MMP16: variants seen among roughly 807,000 people sequenced by gnomAD.
MMP16 encodes matrix metallopeptidase 16.
MMP16 carries 12 observed loss-of-function variants against 67.8 expected under a neutral mutation model. The ratio of observed to expected loss-of-function variants is 0.18; its 90% CI spans 0.11 to 0.29. The LOEUF (loss-of-function observed/expected upper bound fraction) is 0.29. Among genes scored for constraint, MMP16 ranks in the 10% least tolerant of loss-of-function variants. The probability of loss-of-function intolerance (pLI) is 1.00; values close to 1 mark genes in which losing one functional copy is unlikely to be tolerated. For missense variants in MMP16, 475 were observed against 765.7 expected (o/e 0.62, Z 4.48); for synonymous variants, 249 against 255.9 (o/e 0.97, Z 0.26).
chr8:88,323,383 GT>G (rs1464623866), intron 1 of MMP16, among the ~76,000 whole-genome samples: 15 of 152,036 alleles, frequency 9.9e-5, no homozygotes, highest in African/African-American at 3.6e-4. Flanking sequence ...TCTTAAATCA[GT>G]TAAGTAAATA....
chr8:88,121,639 G>A (rs974931367), intron 4 of MMP16, among the ~76,000 whole-genome samples: 2 of 151,850 alleles, frequency 1.3e-5, no homozygotes, highest in Non-Finnish European at 2.9e-5. Context: ...CACCAAGCAG[G>A]CAACAAAGGA....
intron 6 of MMP16, among the ~76,000 whole-genome samples, chr8:88,094,317 T>C (rs895997885): frequency 2.0e-5 from 3 of 151,764 alleles, no homozygotes; most frequent in African/African-American, 7.2e-5. Context: ...ATATATAGAC[T>C]AACTTATAAA....
intron 6 of MMP16, among the ~76,000 whole-genome samples, chr8:88,099,112 A>C (rs1292573378): frequency 6.6e-6 from 1 of 151,782 alleles, no homozygotes; most frequent in Non-Finnish European, 1.5e-5. Context: ...TACATGTTCT[A>C]AATTTCATAT....
At chr8:88,238,772 T>C (rs1300015681) in intron 1 of MMP16, among the ~76,000 whole-genome samples, 1 of 151,906 alleles carries the variant, frequency 6.6e-6, no homozygotes, top group Non-Finnish European at 1.5e-5. Flanking sequence ...GAGGCATATG[T>C]AAAAGTTTAT....
chr8:88,049,759 C>G (rs1808246130), intron 8 of MMP16, among the ~76,000 whole-genome samples: 1 of 152,136 alleles, frequency 6.6e-6, no homozygotes, highest in South Asian at 2.1e-4. Context: ...TGTGGTGACT[C>G]ACACCTGTAA....
chr8:88,205,849 T>C (rs1249464723), intron 1 of MMP16, among the ~76,000 whole-genome samples: 2 of 152,214 alleles, frequency 1.3e-5, no homozygotes, highest in Admixed American at 1.3e-4. Context: ...GAGATCACAC[T>C]GCTGTTTAAA....
intron 6 of MMP16, among the ~76,000 whole-genome samples, chr8:88,112,952 C>T (rs1240221345): frequency 6.6e-5 from 10 of 151,608 alleles, no homozygotes; most frequent in Non-Finnish European, 1.0e-4. Flanking sequence ...ACAGAATTTA[C>T]GTAAATAATA....
intron 4 of MMP16, among the ~76,000 whole-genome samples, chr8:88,148,604 C>T (rs1309053832): frequency 6.6e-6 from 1 of 152,128 alleles, no homozygotes; most frequent in East Asian, 1.9e-4. Context: ...CTCTGCATTT[C>T]ACACACGCTC....
chr8:88,237,498 A>T (rs189512610), intron 1 of MMP16, among the ~76,000 whole-genome samples: 1,532 of 152,222 alleles, frequency 0.01, 10 homozygotes, highest in Non-Finnish European at 0.015. Context: ...TATACAAAAA[A>T]TTAGCCGGGC....
intron 1 of MMP16, among the ~76,000 whole-genome samples, chr8:88,260,904 A>G (rs922390429): frequency 5.3e-5 from 8 of 152,120 alleles, no homozygotes; most frequent in Non-Finnish European, 8.8e-5. Flanking sequence ...TTGGATAAGC[A>G]TTACTGTTTT....
intron 1 of MMP16, among the ~76,000 whole-genome samples, chr8:88,207,521 T>A (rs866325472): frequency 6.6e-6 from 1 of 152,168 alleles, no homozygotes; most frequent in Non-Finnish European, 1.5e-5. Context: ...ATGGAACCCA[T>A]ACAAAGTGCT....
intron 1 of MMP16, among the ~76,000 whole-genome samples, chr8:88,285,879 G>T (rs73282670): frequency 9.2e-5 from 14 of 152,108 alleles, no homozygotes; most frequent in African/African-American, 3.4e-4. Context: ...CAAATAAAAC[G>T]TTTTGCCATC....
At chr8:88,221,412 C>T (rs1003219975) in intron 1 of MMP16, among the ~76,000 whole-genome samples, 3 of 152,048 alleles carry the variant, frequency 2.0e-5, no homozygotes, top group Non-Finnish European at 4.4e-5. Flanking sequence ...CTTCCGTATG[C>T]ACCAAGGATC....
At chr8:88,315,606 ATG>A (rs553374899) in intron 1 of MMP16, among the ~76,000 whole-genome samples, 6 of 152,140 alleles carry the variant, frequency 3.9e-5, no homozygotes, top group Admixed American at 3.9e-4. Flanking sequence ...TAGTAACTAA[ATG>A]TGTGTGTGTT....
In MMP16 at chr8:88,041,877, A is replaced by C. The variant is rs1808137334; in HGVS notation, c.1490-82T>G. The C allele has an allele frequency of 9.7e-7, 1 of 1,032,988 alleles. No individual in the cohort carries two copies. The highest frequency in any genetic ancestry group is 1.4e-6 in the Non-Finnish European group (1 of 708,024). 64.0% of individuals were successfully genotyped at this position (1,032,988 alleles called of 1,614,324 possible). On this transcript the variant is annotated intron_variant, in intron 9 of 9. Transcript: ENST00000286614. The surrounding 1 kb of genome is among the most constrained non-coding windows in gnomAD (Gnocchi z 6.0). Reference sequence around the variant, plus strand: ...TAGAGAAATGTTACTAAAATAGGCTATGTCTTAAGAGATGTATTTTAAGGC... The same window carrying C: ...TAGAGAAATGTTACTAAAATAGGCTCTGTCTTAAGAGATGTATTTTAAGGC...
intron 4 of MMP16, among the ~76,000 whole-genome samples, chr8:88,163,896 TA>T (rs1808671183): frequency 6.6e-6 from 1 of 152,106 alleles, no homozygotes; most frequent in Non-Finnish European, 1.5e-5. Flanking sequence ...TCCACAAAAA[TA>T]AAAACTCTTA....
chr8:88,145,523 C>T (rs1263108665), intron 4 of MMP16, among the ~76,000 whole-genome samples: 2 of 151,750 alleles, frequency 1.3e-5, no homozygotes, highest in Non-Finnish European at 3.0e-5. Flanking sequence ...GAGAAATAAG[C>T]TCAGAACAGG....
rs550414071 is a variant in MMP16, at chr8:88,297,718, A to G, written c.132+29357T>C. On this transcript the variant is annotated intron_variant, in intron 1 of 9. Coordinates refer to ENST00000286614, the MANE Select transcript of MMP16 (RefSeq NM_005941.5). ...GAATCCAGTTCTCGCTTTCACATTC[A>G]TTAGTTGCAAGACTTTAGTTAGCCA... is the stretch of plus-strand genomic sequence containing the variant. Among the ~76,000 whole-genome samples, 315 of 152,342 alleles carry G rather than the reference A, an allele frequency of 2.1e-3. 1 individual carries two copies. The highest frequency in any genetic ancestry group is 3.4e-3 in the Middle Eastern group (1 of 294).
chr8:88,072,149 G>T (rs941978896), intron 7 of MMP16, among the ~76,000 whole-genome samples: 1 of 152,138 alleles, frequency 6.6e-6, no homozygotes. Flanking sequence ...GACCACGTGG[G>T]ATGAGGAATG....
Sources: allele counts gnomAD v4.1 joint callset (sites outside exome capture counted in the v4.1 genomes callset), GRCh38; gene constraint gnomAD v4.1.1; non-coding constraint Gnocchi (gnomAD v3.1); transcripts MANE v1.5; gene names NCBI Gene and HGNC (gene_info 2026-07-23, HGNC 2026-07-21).